RNF34: variants seen among roughly 807,000 people sequenced by gnomAD.
RNF34 encodes the protein E3 ubiquitin-protein ligase RNF34.
Under a neutral mutation model 37.9 loss-of-function variants are expected in RNF34, and 12 were observed. That is an observed-to-expected ratio of 0.32 (90% CI 0.20 to 0.51). The LOEUF (loss-of-function observed/expected upper bound fraction) is 0.51. Ranked by LOEUF, RNF34 falls within the 20% of genes least tolerant of loss-of-function variation. The probability of loss-of-function intolerance (pLI) is 0.97; values close to 1 mark genes in which losing one functional copy is unlikely to be tolerated. For synonymous variants in RNF34, 155 were observed against 177.2 expected (o/e 0.87, Z 1.00); for missense variants, 362 against 472.7 (o/e 0.77, Z 2.17).
intron 4 of RNF34, 33 bp from the exon 5 acceptor site, chr12:121,420,544 G>C (rs1872037045): frequency 2.5e-6 from 4 of 1,607,520 alleles, no homozygotes; most frequent in Non-Finnish European, 3.4e-6. Context: ...TGGACTTATG[G>C]GACCAGGGCT....
At chr12:121,407,288 CTG>C (rs1870633675) in intron 1 of RNF34, among the ~76,000 whole-genome samples, 1 of 152,148 alleles carries the variant, frequency 6.6e-6, no homozygotes, top group African/African-American at 2.4e-5. Context: ...GGAGGAGTAA[CTG>C]TAGGGTTTTT....
chr12:121,416,461 C>A (rs1871583758), intron 2 of RNF34, 84 bp downstream of exon 2: 1 of 940,302 alleles, frequency 1.1e-6, no homozygotes, highest in African/African-American at 1.6e-5. Context: ...ATTGAATTTT[C>A]ATTTCTGTTT....
chr12:121,415,767 T>C (rs1555282063), intron 1 of RNF34, among the ~76,000 whole-genome samples: 1 of 151,614 alleles, frequency 6.6e-6, no homozygotes, highest in Non-Finnish European at 1.5e-5. Context: ...AAAATTTGAA[T>C]TTCAGATGAA....
At chr12:121,400,531 A>C (rs1301696241) in intron 1 of RNF34, among the ~76,000 whole-genome samples, 2 of 152,188 alleles carry the variant, frequency 1.3e-5, no homozygotes, top group African/African-American at 4.8e-5. Context: ...GGCCTGAGGC[A>C]GAGCCGCCAG....
At chr12:121,415,204 C>A in intron 1 of RNF34, 1 of 215,412 alleles carries the variant, frequency 4.6e-6, no homozygotes, top group Non-Finnish European at 1.1e-5. Flanking sequence ...ACAAAAAAAT[C>A]TAGAGAGAGT....
At chr12:121,421,781 A>G (rs1296104372) in intron 5 of RNF34, among the ~76,000 whole-genome samples, 1 of 152,224 alleles carries the variant, frequency 6.6e-6, no homozygotes, top group Non-Finnish European at 1.5e-5. Context: ...GTGGGCCACC[A>G]TGCCTGACCC....
chr12:121,403,342 G>A (rs183982568), intron 1 of RNF34, among the ~76,000 whole-genome samples: 95 of 150,176 alleles, frequency 6.3e-4, no homozygotes, highest in South Asian at 8.4e-4. Context: ...TTTGCAGTGA[G>A]CCAAGATTGC....
intron 1 of RNF34, chr12:121,409,492 G>A (rs1377319223): frequency 6.6e-6 from 1 of 152,200 alleles, no homozygotes; most frequent in African/African-American, 2.4e-5. Context: ...CTGAAACAGT[G>A]TAGGCAGGAA....
At position 121,423,888 on chromosome 12, in the gene RNF34, C is replaced by G; in HGVS notation, c.*312C>G. 1 of 284,550 alleles carries G rather than the reference C, an allele frequency of 3.5e-6. No individual in the cohort carries two copies. Among genetic ancestry groups the G allele is most frequent in the Non-Finnish European group, 6.7e-6 (1 of 150,300 alleles). 17.6% of individuals were successfully genotyped at this position (284,550 alleles called of 1,614,324 possible). On this transcript the variant is annotated 3_prime_UTR_variant, in exon 6 of 6. Transcript: ENST00000361234. This position sits in a 1 kb window ranked among gnomAD's most constrained non-coding sequence, Gnocchi z 4.3. Reference sequence around the variant, plus strand: ...CTGCTGTCTTGGGAGGACACTTATCCTGTTCTCTTATTTCCCCTTCATCCT... The same window carrying G: ...CTGCTGTCTTGGGAGGACACTTATCGTGTTCTCTTATTTCCCCTTCATCCT...
chr12:121,420,082 G>T, intron 3 of RNF34, 160 bp from the exon 4 acceptor site: 1 of 577,178 alleles, frequency 1.7e-6, no homozygotes, highest in Non-Finnish European at 3.1e-6. Context: ...ATGCAATTTT[G>T]TAGGGCCCAA....
In RNF34 at chr12:121,420,274, AGAT is replaced by A. The variant is rs72059744; in HGVS notation, c.675_677del (p.Asp229del). The A allele has an allele frequency of 6.5e-3, 10,496 of 1,604,322 alleles. 594 individuals are homozygous for A. The African/African-American group carries it at 0.12, about 19-fold the overall frequency. On this transcript the variant is annotated inframe_deletion, in exon 4 of 6. Transcript: ENST00000361234. The stretch of plus-strand genomic sequence containing the variant: ...GTGAAATCACTTCAGCAAACACAGA[AGAT>A]GATGATGACGACGATGATGAGGATG...
At chr12:121,407,018 G>A (rs542816906) in intron 1 of RNF34, among the ~76,000 whole-genome samples, 51 of 152,140 alleles carry the variant, frequency 3.4e-4, no homozygotes, top group Non-Finnish European at 5.1e-4. Context: ...CCGCCAGCAG[G>A]TAGTGAACAC....
At chr12:121,410,996 G>A (rs1162883801) in intron 1 of RNF34, among the ~76,000 whole-genome samples, 3 of 152,136 alleles carry the variant, frequency 2.0e-5, no homozygotes, top group Non-Finnish European at 2.9e-5. Context: ...GTGCGGTGGC[G>A]TAAGCATAGC....
Position 121,423,686 on chromosome 12 carries a change from T to A in RNF34, c.*110T>A. On this transcript the variant is annotated 3_prime_UTR_variant, in exon 6 of 6. Transcript: ENST00000361234. The surrounding 1 kb of genome is among the most constrained non-coding windows in gnomAD (Gnocchi z 4.3). Reference sequence around the variant, plus strand: ...AAAGGCTGAAGCTATTTTAAAACATTATTTTGACTACTAAGTGGGGACAGA... The same window carrying A: ...AAAGGCTGAAGCTATTTTAAAACATAATTTTGACTACTAAGTGGGGACAGA... The A allele has an allele frequency of 1.1e-6, 1 of 909,366 alleles. No homozygotes were observed. The highest frequency in any genetic ancestry group is 1.7e-6 in the Non-Finnish European group (1 of 600,440). The allele number at this position is 909,366 out of a possible 1,614,324, so 56.3% of individuals were successfully genotyped here. A position where few individuals can be genotyped will look rare whatever the true frequency, so the allele number is the denominator to read the frequency against.
intron 1 of RNF34, chr12:121,404,855 T>A (rs1555280474): frequency 6.6e-6 from 1 of 152,256 alleles, no homozygotes; most frequent in East Asian, 1.9e-4. Flanking sequence ...ACAGGGATTC[T>A]GAAAACATAT....
chr12:121,408,442 A>AAAAAAT (rs59746769), intron 1 of RNF34, among the ~76,000 whole-genome samples: 96 of 151,566 alleles, frequency 6.3e-4, no homozygotes, highest in Non-Finnish European at 1.1e-3. Flanking sequence ...AACTCTGTCT[A>AAAAAAT]AAAAATAAAA....
chr12:121,407,398 A>G (rs150587957), intron 1 of RNF34, among the ~76,000 whole-genome samples: 1 of 152,340 alleles, frequency 6.6e-6, no homozygotes, highest in Non-Finnish European at 1.5e-5. Context: ...CAGAAGCCAA[A>G]AGGGTATGCC....
intron 2 of RNF34, among the ~76,000 whole-genome samples, chr12:121,416,990 A>G (rs1234713288): frequency 1.3e-5 from 2 of 152,202 alleles, no homozygotes; most frequent in African/African-American, 4.8e-5. Context: ...AAGCTTCTCT[A>G]GTGGCAAGGC....
In RNF34 at chr12:121,400,209, G is replaced by T; in HGVS notation, c.-4G>T. The T allele has an allele frequency of 6.2e-7, 1 of 1,609,608 alleles. No individual in the cohort carries two copies. Among genetic ancestry groups the T allele is most frequent in the Non-Finnish European group, 8.5e-7 (1 of 1,179,030 alleles). ...GAGCCGGCCGAGCTGAGGCGGTCGC[G>T]GCCATGAAGGTGAGGGGCCGGTGGA... On this transcript the variant is annotated 5_prime_UTR_variant, in exon 1 of 6. Transcript: ENST00000361234.
Sources: gnomAD v4.1 joint callset for allele counts (sites outside exome capture counted in the v4.1 genomes callset) on GRCh38, gnomAD v4.1.1 for gene constraint, Gnocchi (gnomAD v3.1) non-coding constraint, MANE v1.5 for transcripts, NCBI Gene and HGNC (gene_info 2026-07-23, HGNC 2026-07-21) for gene names.